APBA1: variants seen among roughly 807,000 people sequenced by gnomAD.
The protein encoded by APBA1 is amyloid beta precursor protein binding family A member 1.
In APBA1, 55 loss-of-function variants were observed where a neutral mutation model predicts 86.6. The ratio of observed to expected loss-of-function variants is 0.64; its 90% confidence interval spans 0.51 to 0.80. The LOEUF is 0.80. Ranked by LOEUF, APBA1 falls within the 30% of genes least tolerant of loss-of-function variation. APBA1 has a pLI of 0.00. For synonymous variants in APBA1, 511 were observed against 493.9 expected (o/e 1.03, Z -0.46); for missense variants, 1,090 against 1,183.0 (o/e 0.92, Z 1.15).
intron 1 of APBA1, among the ~76,000 whole-genome samples, chr9:69,621,246 G>A (rs1020389183): frequency 2.6e-5 from 4 of 152,194 alleles, no homozygotes; most frequent in African/African-American, 9.7e-5. Context: ...ATTTCTTAAA[G>A]TGCTAGCTCC....
At chr9:69,648,607 T>C (rs1381892340) in intron 1 of APBA1, among the ~76,000 whole-genome samples, 1 of 152,188 alleles carries the variant, frequency 6.6e-6, no homozygotes, top group African/African-American at 2.4e-5. Flanking sequence ...CCAGCTATTA[T>C]AGAGCTCTAT....
At chr9:69,500,643 A>G (rs749537640) in intron 2 of APBA1, among the ~76,000 whole-genome samples, 4 of 152,080 alleles carry the variant, frequency 2.6e-5, no homozygotes, top group Non-Finnish European at 4.4e-5. Context: ...ATGAGATCCT[A>G]AAGAGTTGAG....
At chr9:69,581,440 G>A (rs1218441232) in intron 1 of APBA1, among the ~76,000 whole-genome samples, 1 of 152,182 alleles carries the variant, frequency 6.6e-6, no homozygotes, top group Non-Finnish European at 1.5e-5. Flanking sequence ...AGTACAAGGG[G>A]ATAAATTATT....
chr9:69,431,670 C>A (rs1024085916), intron 12 of APBA1, among the ~76,000 whole-genome samples: 1 of 152,252 alleles, frequency 6.6e-6, no homozygotes, highest in Non-Finnish European at 1.5e-5. Context: ...TCTCACCAGA[C>A]CCTACCCTTT....
chr9:69,638,170 C>T (rs539168469), intron 1 of APBA1, among the ~76,000 whole-genome samples: 1 of 152,178 alleles, frequency 6.6e-6, no homozygotes, highest in Admixed American at 6.5e-5. Flanking sequence ...GTACAGGTAA[C>T]ATATTTTAAA....
At chr9:69,638,966 G>C (rs527494001) in intron 1 of APBA1, among the ~76,000 whole-genome samples, 1 of 152,212 alleles carries the variant, frequency 6.6e-6, no homozygotes, top group East Asian at 1.9e-4. Flanking sequence ...GACAGGGACA[G>C]AGCTTCTCAA....
At position 69,596,078 on chromosome 9, in the gene APBA1, C is replaced by A. The variant is rs539345376; in HGVS notation, c.-70+76075G>T. Among the ~76,000 whole-genome samples the A allele has an allele frequency of 4.6e-5, 7 of 152,234 alleles. No homozygotes were observed. The East Asian group carries it at 1.2e-3, about 25-fold the overall frequency. ...TCATAGCTCACTGTAATCTTTAACT[C>A]TTTGGCTCAAGGGATCTTCCCATTT... On this transcript the variant is annotated intron_variant, in intron 1 of 12. Transcript: ENST00000265381.
intron 1 of APBA1, among the ~76,000 whole-genome samples, chr9:69,617,107 G>A (rs1219743871): frequency 5.9e-5 from 9 of 152,070 alleles, no homozygotes; most frequent in Admixed American, 2.0e-4. Flanking sequence ...CCTCAGACTG[G>A]TGCCATCCTT....
chr9:69,589,466 C>A (rs1432523912), intron 1 of APBA1, among the ~76,000 whole-genome samples: 1 of 152,172 alleles, frequency 6.6e-6, no homozygotes, highest in African/African-American at 2.4e-5. Context: ...CTTCCTCTCT[C>A]ACAACCACTT....
intron 2 of APBA1, among the ~76,000 whole-genome samples, chr9:69,512,321 C>A (rs1390419836): frequency 6.6e-6 from 1 of 152,092 alleles, no homozygotes; most frequent in Non-Finnish European, 1.5e-5. Context: ...CATTTTCTCT[C>A]TATATACAAC....
intron 1 of APBA1, among the ~76,000 whole-genome samples, chr9:69,617,887 G>A (rs918129735): frequency 6.6e-6 from 1 of 152,108 alleles, no homozygotes; most frequent in Non-Finnish European, 1.5e-5. Flanking sequence ...GATCAAGTTT[G>A]GGTGTTTATG....
At chr9:69,658,350 C>CTTTCTT (rs1823681558) in intron 1 of APBA1, among the ~76,000 whole-genome samples, 1 of 135,206 alleles carries the variant, frequency 7.4e-6, no homozygotes, top group African/African-American at 2.8e-5. Flanking sequence ...TTCTTTCTTT[C>CTTTCTT]TTTCTTTCTG....
intron 1 of APBA1, among the ~76,000 whole-genome samples, chr9:69,593,703 G>A (rs1822175586): frequency 6.6e-6 from 1 of 152,160 alleles, no homozygotes; most frequent in East Asian, 1.9e-4. Context: ...TTTCAAATGA[G>A]GTCAATTCTT....
Position 69,598,505 on chromosome 9 carries a change from G to A in APBA1, c.-70+73648C>T, listed in dbSNP as rs138131074. On this transcript the variant is annotated intron_variant, in intron 1 of 12. Transcript: ENST00000265381. ...CAGCACACCTCACTCCAGGTGGGCA[G>A]GTAATGACAGGTGTGGTCCTTCTGG... 2.1e-3 allele frequency among the ~76,000 whole-genome samples: 318 copies of A among 152,276 alleles called. 2 individuals carry two copies. The highest frequency in any genetic ancestry group is 2.7e-3 in the Non-Finnish European group (183 of 68,012).
intron 1 of APBA1, among the ~76,000 whole-genome samples, chr9:69,518,611 A>G (rs1320524483): frequency 6.6e-6 from 1 of 152,176 alleles, no homozygotes; most frequent in Non-Finnish European, 1.5e-5. Flanking sequence ...CCACAACAAA[A>G]CAGGCAGGAC....
At chr9:69,492,437 C>T (rs115431735) in intron 2 of APBA1, among the ~76,000 whole-genome samples, 6,797 of 152,122 alleles carry the variant, frequency 0.045, 530 homozygotes, top group African/African-American at 0.15. Context: ...TTTTCTTCAT[C>T]TCGTTTCCTT....
At chr9:69,471,800 T>C in intron 3 of APBA1, 105 bp from the exon 4 acceptor site, 1 of 851,686 alleles carries the variant, frequency 1.2e-6, no homozygotes, top group Non-Finnish European at 1.9e-6. Context: ...TCAGTGGCAG[T>C]TACCAATTAT....
chr9:69,567,226 A>C (rs183820665), intron 1 of APBA1, among the ~76,000 whole-genome samples: 1 of 152,290 alleles, frequency 6.6e-6, no homozygotes, highest in East Asian at 1.9e-4. Flanking sequence ...CTCCTGAAAG[A>C]TGGGCAGACA....
In APBA1 at chr9:69,428,996, T is replaced by C. The variant is rs1197125960; in HGVS notation, c.*2331A>G. 1 of 152,228 alleles carries C rather than the reference T, an allele frequency of 6.6e-6. No individual in the cohort carries two copies. Among genetic ancestry groups the C allele is most frequent in the African/African-American group, 2.4e-5 (1 of 41,454 alleles). 9.4% of individuals were successfully genotyped at this position (152,228 alleles called of 1,614,324 possible). A position where few individuals can be genotyped will look rare whatever the true frequency, so the allele number is the denominator to read the frequency against. ...CAAAGTTTACAAGGTTTTTGTGCAA[T>C]AGGAATAGAAAGTATATTCTCTCCT... On this transcript the variant is annotated 3_prime_UTR_variant, in exon 13 of 13. Coordinates refer to ENST00000265381, the MANE Select transcript of APBA1 (RefSeq NM_001163.4).
Sources: gnomAD v4.1 joint callset for allele counts (sites outside exome capture counted in the v4.1 genomes callset) on GRCh38, gnomAD v4.1.1 for gene constraint, MANE v1.5 for transcripts, NCBI Gene and HGNC (gene_info 2026-07-23, HGNC 2026-07-21) for gene names.